Variants in TMEM63B observed in about 807,000 individuals in gnomAD.
TMEM63B encodes mechanosensitive cation channel TMEM63B.
A neutral mutation model predicts 102.6 loss-of-function variants in TMEM63B; 23 were observed. The observed-to-expected ratio is 0.22, with a 90% CI of 0.16 to 0.32. TMEM63B has a LOEUF of 0.32. TMEM63B is among the 10% of genes least tolerant of loss of function. The pLI is 1.00. For synonymous variants in TMEM63B, 444 were observed against 437.0 expected, an observed-to-expected ratio of 1.02 and a Z score of -0.20; for missense variants, 628 against 1,095.9, an observed-to-expected ratio of 0.57 and a Z score of 6.03.
rs1561821622 is a variant in TMEM63B at position 44,150,541 on chromosome 6, A to C, written c.1608-23A>C. The C allele has an allele frequency of 1.2e-6, 2 of 1,613,494 alleles. No homozygotes were observed. The highest frequency in any genetic ancestry group is 8.5e-7 in the Non-Finnish European group (1 of 1,179,696). On this transcript the variant is annotated intron_variant, in intron 17 of 23. Transcript: ENST00000323267. The surrounding 1 kb of genome is among the most constrained non-coding windows in gnomAD (Gnocchi z 4.7). ...TCTGTACCACTCCAGCTCCCACCCC[A>C]TCTCTCCTCTGCTTCCCTCCAGCCT...
rs950876231 is a variant in TMEM63B, at chr6:44,154,963, T to C, written c.*80T>C. The C allele has an allele frequency of 1.4e-5, 19 of 1,328,842 alleles. No homozygotes were observed. The East Asian group carries it at 5.1e-4, about 36-fold the overall frequency. The allele number at this position is 1,328,842 out of a possible 1,614,324, so 82.3% of individuals were successfully genotyped here. On this transcript the variant is annotated 3_prime_UTR_variant, in exon 24 of 24. Coordinates refer to ENST00000323267, the MANE Select transcript of TMEM63B (RefSeq NM_018426.3). ...CGGACACTAAAACGCTAATAATTTA[T>C]TAGATCTAAAGCCCCTTCCTCCCCA...
intron 5 of TMEM63B, among the ~76,000 whole-genome samples, chr6:44,136,873 G>A (rs562291369): frequency 4.6e-5 from 7 of 152,264 alleles, no homozygotes; most frequent in South Asian, 2.1e-4. Context: ...GTGAAACCCC[G>A]TCTCTACTAA....
chr6:44,155,132 C>A lies in TMEM63B; in HGVS notation c.*249C>A. 3.0e-6 allele frequency: 1 copy of A among 337,116 alleles called. No individual in the cohort carries two copies. 20.9% of individuals were successfully genotyped at this position (337,116 alleles called of 1,614,324 possible). A position where few individuals can be genotyped will look rare whatever the true frequency, so the allele number is the denominator to read the frequency against. On this transcript the variant is annotated 3_prime_UTR_variant, in exon 24 of 24. Transcript: ENST00000323267. The stretch of plus-strand genomic sequence containing the variant: ...GGGTGCAGAGGGAGTTCCCCCAGAT[C>A]AGTACCCCCCACCCCTCCCCAGCTA...
intron 5 of TMEM63B, 136 bp downstream of exon 5, chr6:44,136,575 A>G (rs1582774640): frequency 4.5e-6 from 3 of 670,054 alleles, no homozygotes; most frequent in East Asian, 5.5e-5. Flanking sequence ...AAGTGATTCA[A>G]CCAAGGAGCC....
At chr6:44,139,345 A>T in intron 6 of TMEM63B, 122 bp from the exon 7 acceptor site, 1 of 1,214,884 alleles carries the variant, frequency 8.2e-7, no homozygotes, top group Non-Finnish European at 1.2e-6. Context: ...GCCCTATACT[A>T]CTGCCAGATC....
Position 44,132,358 on chromosome 6 carries a change from T to A in TMEM63B, c.-24-2203T>A, listed in dbSNP as rs545596003. On this transcript the variant is annotated intron_variant, in intron 1 of 23. Coordinates refer to ENST00000323267, the MANE Select transcript of TMEM63B (RefSeq NM_018426.3). ...GCTGGGGCCACTTCATGTAGAAGCT[T>A]CCAAAATGCTCTACCTTTCTTTGGT... The A allele has an allele frequency of 5.1e-6, 5 of 983,220 alleles. No individual in the cohort carries two copies. In the African/African-American group the frequency reaches 7.0e-5, roughly 14 times the overall value. The allele number at this position is 983,220 out of a possible 1,614,324, so 60.9% of individuals were successfully genotyped here. A position where few individuals can be genotyped will look rare whatever the true frequency, so the allele number is the denominator to read the frequency against.
intron 1 of TMEM63B, among the ~76,000 whole-genome samples, chr6:44,128,103 T>C (rs1168317851): frequency 6.6e-6 from 1 of 151,690 alleles, no homozygotes; most frequent in African/African-American, 2.4e-5. Context: ...GACCCCGGGG[T>C]CGCCAAGTCC....
intron 10 of TMEM63B, among the ~76,000 whole-genome samples, chr6:44,142,324 A>G (rs1764446683): frequency 1.3e-5 from 2 of 151,472 alleles, no homozygotes; most frequent in East Asian, 3.9e-4. Flanking sequence ...AGCCTGGCCA[A>G]TATGGTGAAA....
chr6:44,155,200 C>T lies in TMEM63B; in HGVS notation c.*317C>T. 1 of 182,690 alleles carries T rather than the reference C, an allele frequency of 5.5e-6. No homozygotes were observed. Among genetic ancestry groups the T allele is most frequent in the African/African-American group, 2.3e-5 (1 of 42,642 alleles). The allele number at this position is 182,690 out of a possible 1,614,324, so 11.3% of individuals were successfully genotyped here. A position where few individuals can be genotyped will look rare whatever the true frequency, so the allele number is the denominator to read the frequency against. ...GGGTTAATGAGAGCCAAGAGGAGTA[C>T]CTGGTGCACCTGGTGCCGGTGGCTG... On this transcript the variant is annotated 3_prime_UTR_variant, in exon 24 of 24. Transcript: ENST00000323267.
At position 44,154,628 on chromosome 6, in the gene TMEM63B, T is replaced by C. The variant is rs1018070849; in HGVS notation, c.2308-64T>C. 5 of 1,510,042 alleles carry C rather than the reference T, an allele frequency of 3.3e-6. No individual in the cohort carries two copies. The African/African-American group carries it at 5.6e-5, about 17-fold the overall frequency. 93.5% of individuals were successfully genotyped at this position (1,510,042 alleles called of 1,614,324 possible). On this transcript the variant is annotated intron_variant, in intron 23 of 23. Transcript: ENST00000323267. ...GCCCACTCTGCTGTCCTACATGCCC[T>C]GGTGTTCCCGCAATCCATGAGGGGC...
At chr6:44,144,529 A>G (rs974365304) in intron 10 of TMEM63B, among the ~76,000 whole-genome samples, 5 of 152,200 alleles carry the variant, frequency 3.3e-5, no homozygotes, top group South Asian at 4.2e-4. Flanking sequence ...TATGAGGACT[A>G]TCTTAATACT....
intron 7 of TMEM63B, 21 bp downstream of exon 7, chr6:44,139,630 C>T: frequency 6.2e-7 from 1 of 1,614,134 alleles, no homozygotes; most frequent in Non-Finnish European, 8.5e-7. Flanking sequence ...GCCAGGACGG[C>T]TAGGGTGGAG....
chr6:44,140,955 C>T (rs1764124325), intron 9 of TMEM63B, 73 bp from the exon 10 acceptor site: 2 of 1,353,418 alleles, frequency 1.5e-6, no homozygotes, highest in Admixed American at 1.7e-5. Context: ...TCTCTAGTGC[C>T]CCCCACCCCT....
chr6:44,144,556 T>G (rs1203772761), intron 10 of TMEM63B, among the ~76,000 whole-genome samples: 2 of 152,052 alleles, frequency 1.3e-5, no homozygotes, highest in Non-Finnish European at 2.9e-5. Flanking sequence ...CAGTAACTCA[T>G]GCATTCAATA....
At position 44,152,012 on chromosome 6, in the gene TMEM63B, C is replaced by T. The variant is rs543312729; in HGVS notation, c.1836+4C>T. 53 of 1,600,210 alleles carry T rather than the reference C, an allele frequency of 3.3e-5. No individual in the cohort carries two copies. The highest frequency in any genetic ancestry group is 1.7e-4 in the Middle Eastern group (1 of 5,846). On this transcript the variant is annotated splice_donor_region_variant and intron_variant, in intron 19 of 23. Coordinates refer to ENST00000323267, the MANE Select transcript of TMEM63B (RefSeq NM_018426.3). The surrounding 1 kb of genome is among the most constrained non-coding windows in gnomAD (Gnocchi z 6.4). ...CGAGAGGCGCAACGTGAAGCGGGTA[C>T]GGCCGCCTGGGGCAGCAGCGGCCCG...
At chr6:44,128,561 T>C (rs899092877) in intron 1 of TMEM63B, among the ~76,000 whole-genome samples, 1 of 152,228 alleles carries the variant, frequency 6.6e-6, no homozygotes, top group Non-Finnish European at 1.5e-5. Context: ...CTGGCTGCCC[T>C]TGGGGCGCTG....
rs763797090 is a variant in TMEM63B, at chr6:44,147,480, G to A, written c.967G>A (p.Val323Met). 5.6e-6 allele frequency: 9 copies of A among 1,614,202 alleles called. No homozygotes were observed. The highest frequency in any genetic ancestry group is 6.8e-6 in the Non-Finnish European group (8 of 1,180,034). ...GCCCTGTGGCCACCTCTGCTGCTGT[G>A]TGGTGCGAGGCTGTGAGCAGGTATG... ...PKPCGHLCCC[V>M]VRGCEQVEAI... Residue 323 changes from valine to methionine, a missense_variant, in exon 12 of 24, where the codon GTG becomes ATG. Val to Met is a conservative substitution (Grantham distance 21). Coordinates refer to ENST00000323267, the MANE Select transcript of TMEM63B (RefSeq NM_018426.3).
In TMEM63B at chr6:44,150,604, T is replaced by C. The variant is rs1766392922; in HGVS notation, c.1648T>C (p.Leu550=). 1 of 1,614,046 alleles carries C rather than the reference T, an allele frequency of 6.2e-7. No homozygotes were observed. The highest frequency in any genetic ancestry group is 1.3e-5 in the African/African-American group (1 of 74,936). ...CCGCTGGCTCTTTGATAAGAAATTC[T>C]TGGCTGAGGCAGCTATTCGGTTTGA... ...FFRWLFDKKF[L]AEAAIRFECV... is the part of the protein sequence containing the mutation. The change falls in exon 18 of 24, where the codon TTG becomes CTG. Residue 550 remains leucine (L), a synonymous_variant. Transcript: ENST00000323267. The surrounding 1 kb of genome is among the most constrained non-coding windows in gnomAD (Gnocchi z 4.7).
chr6:44,136,287 C>A, intron 4 of TMEM63B, 62 bp from the exon 5 acceptor site: 2 of 1,446,564 alleles, frequency 1.4e-6, no homozygotes, highest in South Asian at 1.1e-5. Flanking sequence ...GAGCACTCAG[C>A]CCAGCTTCCC....
Sources: gnomAD v4.1 joint callset for allele counts (sites outside exome capture counted in the v4.1 genomes callset) on GRCh38, gnomAD v4.1.1 for gene constraint, Gnocchi (gnomAD v3.1) non-coding constraint, MANE v1.5 for transcripts, NCBI Gene and HGNC (gene_info 2026-07-23, HGNC 2026-07-21) for gene names.